The following IL1RAPL1 variants were observed in gnomAD, a reference collection of about 807,000 sequenced individuals.
The protein encoded by IL1RAPL1 is interleukin 1 receptor accessory protein like 1.
IL1RAPL1 carries 3 observed loss-of-function variants against 48.4 expected under a neutral mutation model. That is an observed-to-expected ratio of 0.06 (90% CI 0.03 to 0.16). IL1RAPL1 has a LOEUF of 0.16. Among genes scored for constraint, IL1RAPL1 ranks in the 10% least tolerant of loss-of-function variants. The pLI is 1.00. For missense variants in IL1RAPL1, 349 were observed against 530.6 expected (o/e 0.66, Z 3.36); for synonymous variants, 185 against 187.7 (o/e 0.99, Z 0.12).
At chrX:29,422,217 T>C (rs181240357) in intron 5 of IL1RAPL1, among the ~76,000 whole-genome samples, 53 of 111,760 alleles carry the variant, frequency 4.7e-4, no homozygotes, top group African/African-American at 1.6e-3. Context: ...CAGGTTAGTC[T>C]TCCACAGAGG....
chrX:29,402,332 T>A (rs1934004998), intron 5 of IL1RAPL1, among the ~76,000 whole-genome samples: 1 of 111,222 alleles, frequency 9.0e-6, no homozygotes. Flanking sequence ...ACAGCTAAAA[T>A]GTTATCCCCT....
intron 2 of IL1RAPL1, among the ~76,000 whole-genome samples, chrX:28,976,057 A>G (rs1925196562): frequency 8.9e-6 from 1 of 111,995 alleles, no homozygotes; most frequent in Non-Finnish European, 1.9e-5. Flanking sequence ...ATAAAAATCC[A>G]TAAAAATCAT....
rs1304292547 is a variant in IL1RAPL1, at chrX:28,790,181, G to T, written c.82+756G>T. Among the ~76,000 whole-genome samples, 3 of 112,074 alleles carry T rather than the reference G, an allele frequency of 2.7e-5. No homozygotes were observed. In the Admixed American group the frequency reaches 2.8e-4, roughly 11 times the overall value. On this transcript the variant is annotated intron_variant, in intron 2 of 10. Coordinates refer to ENST00000378993, the MANE Select transcript of IL1RAPL1 (RefSeq NM_014271.4). ...ATAATTTTTGAAGTTATAGCTTTTAGGTATGAAGGAAGATGAAGGGTATTG... is the reference window on the plus strand; with the variant it reads ...ATAATTTTTGAAGTTATAGCTTTTATGTATGAAGGAAGATGAAGGGTATTG...
intron 2 of IL1RAPL1, among the ~76,000 whole-genome samples, chrX:29,091,345 C>T (rs761715476): frequency 2.7e-5 from 3 of 111,583 alleles, no homozygotes; most frequent in African/African-American, 6.5e-5. Context: ...TTTACCAGAA[C>T]TCTTTATTCA....
chrX:28,858,556 C>T (rs1457486919), intron 2 of IL1RAPL1, among the ~76,000 whole-genome samples: 1 of 112,179 alleles, frequency 8.9e-6, no homozygotes, highest in Non-Finnish European at 1.9e-5. Context: ...TTGTGGAAGG[C>T]TCAGATGATC....
At chrX:29,099,994 A>C (rs1928299415) in intron 2 of IL1RAPL1, among the ~76,000 whole-genome samples, 1 of 110,717 alleles carries the variant, frequency 9.0e-6, no homozygotes, top group South Asian at 3.9e-4. Context: ...CGGGCAGATC[A>C]TGAGGTCAGG....
chrX:28,651,532 T>G (rs959627361), intron 1 of IL1RAPL1, among the ~76,000 whole-genome samples: 2 of 112,380 alleles, frequency 1.8e-5, no homozygotes, highest in African/African-American at 6.5e-5. Flanking sequence ...CCCCAACATT[T>G]GATTTTTGTT....
chrX:28,920,699 C>A (rs1296846114), intron 2 of IL1RAPL1, among the ~76,000 whole-genome samples: 1 of 111,833 alleles, frequency 8.9e-6, no homozygotes, highest in Non-Finnish European at 1.9e-5. Flanking sequence ...TACTAGAATA[C>A]AAGACTCTCT....
intron 2 of IL1RAPL1, among the ~76,000 whole-genome samples, chrX:28,805,457 G>A (rs999746504): frequency 1.8e-5 from 2 of 111,280 alleles, no homozygotes; most frequent in Non-Finnish European, 3.8e-5. Context: ...CCACTGTAGG[G>A]TTCTTTCAAA....
At chrX:29,848,437 C>CAAA (rs34964717) in intron 6 of IL1RAPL1, among the ~76,000 whole-genome samples, 5,758 of 91,816 alleles carry the variant, frequency 0.063, 467 homozygotes, top group African/African-American at 0.21. Flanking sequence ...CAAAATATAG[C>CAAA]AAAAAAAAAA....
chrX:28,935,515 T>C (rs1465214900), intron 2 of IL1RAPL1, among the ~76,000 whole-genome samples: 1 of 111,837 alleles, frequency 8.9e-6, no homozygotes, highest in Non-Finnish European at 1.9e-5. Flanking sequence ...ACCACACTAT[T>C]TTGATTATCA....
At chrX:29,718,482 A>G (rs1927543391) in intron 6 of IL1RAPL1, among the ~76,000 whole-genome samples, 2 of 108,034 alleles carry the variant, frequency 1.9e-5, no homozygotes, top group Non-Finnish European at 3.8e-5. Context: ...GGGAGGGATA[A>G]CATTAGGAGA....
intron 6 of IL1RAPL1, among the ~76,000 whole-genome samples, chrX:29,688,676 A>T (rs1170326402): frequency 9.0e-6 from 1 of 110,591 alleles, no homozygotes; most frequent in Non-Finnish European, 1.9e-5. Context: ...TCATGAGATT[A>T]TAAACAGTGA....
rs1462860635 is a variant in IL1RAPL1, at chrX:29,623,761, G to A, written c.704-44669G>A. On this transcript the variant is annotated intron_variant, in intron 5 of 10. Transcript: ENST00000378993. ...GTTTGCTAGAAAATATTGGCATTCC[G>A]CAAGCCTAAATTCATTAGAGAGGAA... is the stretch of plus-strand genomic sequence containing the variant. Among the ~76,000 whole-genome samples the A allele has an allele frequency of 7.1e-5, 8 of 112,141 alleles. No individual in the cohort carries two copies. The South Asian group carries it at 1.1e-3, about 16-fold the overall frequency.
intron 5 of IL1RAPL1, among the ~76,000 whole-genome samples, chrX:29,474,580 G>A (rs976994384): frequency 1.8e-5 from 2 of 111,800 alleles, no homozygotes; most frequent in African/African-American, 3.3e-5. Flanking sequence ...CATCAACATC[G>A]AAGCTCAAAA....
chrX:29,023,083 G>A (rs1385488359), intron 2 of IL1RAPL1, among the ~76,000 whole-genome samples: 1 of 111,833 alleles, frequency 8.9e-6, no homozygotes, highest in East Asian at 2.8e-4. Flanking sequence ...GGCAGTTGAC[G>A]CTACCATGAA....
intron 3 of IL1RAPL1, among the ~76,000 whole-genome samples, chrX:29,371,402 G>A (rs1453180747): frequency 1.8e-5 from 2 of 111,238 alleles, no homozygotes; most frequent in African/African-American, 6.5e-5. Context: ...AGAGTGCTGG[G>A]ATTACAGGCA....
chrX:29,558,739 T>A (rs930456922), intron 5 of IL1RAPL1, among the ~76,000 whole-genome samples: 1 of 111,935 alleles, frequency 8.9e-6, no homozygotes, highest in African/African-American at 3.2e-5. Flanking sequence ...TCCAATTTTA[T>A]TTTTTTGAGT....
intron 6 of IL1RAPL1, among the ~76,000 whole-genome samples, chrX:29,735,163 G>A (rs915945862): frequency 1.7e-4 from 19 of 111,453 alleles, no homozygotes; most frequent in African/African-American, 5.6e-4. Flanking sequence ...GGGAGAATTG[G>A]TTTCTTTGCC....
Sources: allele counts gnomAD v4.1 joint callset (sites outside exome capture counted in the v4.1 genomes callset), GRCh38; gene constraint gnomAD v4.1.1; transcripts MANE v1.5; gene names NCBI Gene and HGNC (gene_info 2026-07-23, HGNC 2026-07-21).